Variants in NEK8 observed in about 807,000 individuals in gnomAD.
The protein encoded by NEK8 is serine/threonine-protein kinase Nek8.
In NEK8, 51 loss-of-function variants were observed where a neutral mutation model predicts 77.2. The ratio of observed to expected loss-of-function variants is 0.66; its 90% confidence interval spans 0.53 to 0.83. NEK8 has a LOEUF of 0.83. Among genes scored for constraint, NEK8 ranks in the 40% least tolerant of loss-of-function variants. NEK8 has a pLI of 0.00. For synonymous variants in NEK8, 365 were observed against 363.2 expected, an observed-to-expected ratio of 1.00 and a Z score of -0.06; for missense variants, 787 against 909.2, an observed-to-expected ratio of 0.87 and a Z score of 1.73.
At chr17:28,731,626 CAG>C (rs1288076720) in intron 1 of NEK8, among the ~76,000 whole-genome samples, 4 of 150,696 alleles carry the variant, frequency 2.7e-5, no homozygotes, top group African/African-American at 4.9e-5. Flanking sequence ...TTTTCTGAGA[CAG>C]AGTCTCGCTC....
Position 28,734,025 on chromosome 17 carries a change from GATC to G in NEK8, c.95_97del (p.Ile32del). On this transcript the variant is annotated inframe_deletion, in exon 2 of 15. Coordinates refer to ENST00000268766, the MANE Select transcript of NEK8 (RefSeq NM_178170.3). ...TGCGAAAGGCTGACCAGAAGCTGGT[GATC>G]ATCAAGCAGATTCCAGTGGAACAGA... 6.2e-7 allele frequency: 1 copy of G among 1,614,240 alleles called. No homozygotes were observed.
At position 28,740,991 on chromosome 17, in the gene NEK8, G is replaced by A; in HGVS notation, c.1732+6G>A. On this transcript the variant is annotated splice_donor_region_variant and intron_variant, in intron 12 of 14. Coordinates refer to ENST00000268766, the MANE Select transcript of NEK8 (RefSeq NM_178170.3). This position sits in a 1 kb window ranked among gnomAD's most constrained non-coding sequence, Gnocchi z 4.7. ...TCACTCAGCTGCTGTGACTGGTGAG[G>A]AGGACTTGGGCTCTGGAGGTCAGAG... 1 of 1,613,138 alleles carries A rather than the reference G, an allele frequency of 6.2e-7. No homozygotes were observed. The highest frequency in any genetic ancestry group is 1.1e-5 in the South Asian group (1 of 91,020).
At chr17:28,736,022 C>T (rs1050563354) in intron 4 of NEK8, among the ~76,000 whole-genome samples, 1 of 146,462 alleles carries the variant, frequency 6.8e-6, no homozygotes, top group Non-Finnish European at 1.5e-5. Context: ...TGAGAACATG[C>T]GGTGTTTGGT....
rs2034420490 is a variant in NEK8, at chr17:28,741,402, C to T, written c.1892-11C>T. On this transcript the variant is annotated splice_polypyrimidine_tract_variant and intron_variant, in intron 13 of 14. Transcript: ENST00000268766. This position sits in a 1 kb window ranked among gnomAD's most constrained non-coding sequence, Gnocchi z 4.5. ...ACTTCCCACTTCCCTCCTGGGGATT[C>T]TTCCTGGCAGAGAGCGAAGTGTACT... 1 of 1,613,402 alleles carries T rather than the reference C, an allele frequency of 6.2e-7. No homozygotes were observed. Among genetic ancestry groups the T allele is most frequent in the Non-Finnish European group, 8.5e-7 (1 of 1,179,780 alleles).
At position 28,734,842 on chromosome 17, in the gene NEK8, C is replaced by A; in HGVS notation, c.324C>A (p.Phe108Leu). ...SLLEEETILH[F>L]FVQILLALHH... The stretch of plus-strand genomic sequence containing the variant: ...TGGAGGAGGAGACCATCCTGCACTT[C>A]TTCGTGCAGATCCTGCTTGCACTGC... The change falls in exon 3 of 15, where the codon TTC becomes TTA. Residue 108 changes from phenylalanine to leucine, a missense_variant. Physicochemically the swap from Phe to Leu is conservative, Grantham distance 22 (BLOSUM62 0). Around this residue, in one of 2 missense-constraint regions of NEK8, gnomAD observed 271 missense variants for 365.1 expected, o/e 0.74. Transcript: ENST00000268766. 4 of 1,613,820 alleles carry A rather than the reference C, an allele frequency of 2.5e-6. No homozygotes were observed. The highest frequency in any genetic ancestry group is 3.4e-6 in the Non-Finnish European group (4 of 1,179,920).
Position 28,738,664 on chromosome 17 carries a change from TC to T in NEK8, c.1223-3del. The T allele has an allele frequency of 1.2e-6, 2 of 1,613,722 alleles. No individual in the cohort carries two copies. The highest frequency in any genetic ancestry group is 1.6e-4 in the Middle Eastern group (1 of 6,062). ...CCCTTCTCCTTCCTCACTGCCCTTC[TC>T]CCCAGACAGAGGCATCATCATGACA... On this transcript the variant is annotated splice_region_variant and splice_polypyrimidine_tract_variant and intron_variant, in intron 8 of 14. Coordinates refer to ENST00000268766, the MANE Select transcript of NEK8 (RefSeq NM_178170.3).
At position 28,741,710 on chromosome 17, in the gene NEK8, A is replaced by C; in HGVS notation, c.2050+139A>C. On this transcript the variant is annotated intron_variant, in intron 14 of 14. Coordinates refer to ENST00000268766, the MANE Select transcript of NEK8 (RefSeq NM_178170.3). This position sits in a 1 kb window ranked among gnomAD's most constrained non-coding sequence, Gnocchi z 4.5. ...AAAAAAAGCAGAAGCTGCGGTTGAA[A>C]AGCTTCAAGCTTCCTGCCTGGGGTG... is the stretch of plus-strand genomic sequence containing the variant. 1 of 1,176,772 alleles carries C rather than the reference A, an allele frequency of 8.5e-7. No individual in the cohort carries two copies. Among genetic ancestry groups the C allele is most frequent in the Middle Eastern group, 2.0e-4 (1 of 5,010 alleles). 72.9% of individuals were successfully genotyped at this position (1,176,772 alleles called of 1,614,324 possible).
rs2034385128 is a variant in NEK8, at chr17:28,738,110, G to A, written c.1087G>A (p.Ala363Thr). The A allele has an allele frequency of 3.1e-6, 5 of 1,613,734 alleles. No homozygotes were observed. The highest frequency in any genetic ancestry group is 4.2e-6 in the Non-Finnish European group (5 of 1,179,852). ...GCCCCTGCAGGCCCCACCCCTAGGT[G>A]CAGGCGGAGGCAGTCTCCTTCCTGG... ...LILWEAPPLG[A>T]GGGSLLPGAV... Residue 363 changes from alanine (A) to threonine (T), a missense_variant, in exon 8 of 15, where the codon GCA (alanine) becomes ACA (threonine). Physicochemically the swap from Ala to Thr is moderately conservative, Grantham distance 58 (BLOSUM62 0). Transcript: ENST00000268766.
intron 1 of NEK8, among the ~76,000 whole-genome samples, chr17:28,731,219 A>G (rs1866458778): frequency 6.6e-6 from 1 of 151,968 alleles, no homozygotes. Flanking sequence ...CCTAGGCAAC[A>G]AGAGTGAAAC....
At chr17:28,736,345 G>A (rs950540398) in intron 4 of NEK8, among the ~76,000 whole-genome samples, 148 of 152,194 alleles carry the variant, frequency 9.7e-4, no homozygotes, top group African/African-American at 3.2e-3. Flanking sequence ...CTGAGGAATC[G>A]CCACACTGAC....
chr17:28,733,703 A>G (rs1055793499), intron 1 of NEK8, among the ~76,000 whole-genome samples: 1 of 152,190 alleles, frequency 6.6e-6, no homozygotes, highest in Non-Finnish European at 1.5e-5. Flanking sequence ...AAACCAGATA[A>G]CTAGTAAGAG....
Position 28,739,079 on chromosome 17 carries a change from T to G in NEK8, c.1300-5T>G. 2 of 1,610,642 alleles carry G rather than the reference T, an allele frequency of 1.2e-6. No homozygotes were observed. Among genetic ancestry groups the G allele is most frequent in the South Asian group, 2.2e-5 (2 of 91,014 alleles). The stretch of plus-strand genomic sequence containing the variant: ...CAGTTTCTCCTTGCTTCCTCTCCTC[T>G]CTAGCCCACCATTGTGGAGGCTTTG... On this transcript the variant is annotated splice_region_variant and splice_polypyrimidine_tract_variant and intron_variant, in intron 9 of 14. Transcript: ENST00000268766.
At chr17:28,738,887 G>A in intron 9 of NEK8, 140 bp downstream of exon 9, 2 of 826,008 alleles carry the variant, frequency 2.4e-6, no homozygotes, top group Non-Finnish European at 4.1e-6. Context: ...CCTGCTCTGG[G>A]CCACCTACAT....
chr17:28,743,090 AAAAAAAAAAAAAG>A lies in NEK8; in HGVS notation c.*1104_*1116del, dbSNP rs2034445689. The A allele has an allele frequency of 8.0e-6, 1 of 125,262 alleles. No individual in the cohort carries two copies. The allele number at this position is 125,262 out of a possible 1,614,324, so 7.8% of individuals were successfully genotyped here. On this transcript the variant is annotated 3_prime_UTR_variant, in exon 15 of 15. Transcript: ENST00000268766. ...TCCCTCTCAAAAAAAAAAAAAAAAA[AAAAAAAAAAAAAG>A]TATTTGGTGCTTACCGGGACTCTAT...
Position 28,737,410 on chromosome 17 carries a change from G to A in NEK8, c.723G>A (p.Leu241=). 1 of 1,613,530 alleles carries A rather than the reference G, an allele frequency of 6.2e-7. No individual in the cohort carries two copies. Among genetic ancestry groups the A allele is most frequent in the Non-Finnish European group, 8.5e-7 (1 of 1,180,018 alleles). ...LRQLVLSLLS[L]EPAQRPPLSH... is the part of the protein sequence containing the mutation. The stretch of plus-strand genomic sequence containing the variant: ...AGCTGGTCCTGAGTCTACTCAGCCT[G>A]GAGCCTGCCCAGCGGCCACCACTCA... The change falls in exon 5 of 15, where the codon CTG becomes CTA. Residue 241 remains leucine, a synonymous_variant. Transcript: ENST00000268766. This position sits in a 1 kb window ranked among gnomAD's most constrained non-coding sequence, Gnocchi z 4.8.
chr17:28,735,780 AT>A (rs533689814), intron 4 of NEK8, among the ~76,000 whole-genome samples: 2 of 122,752 alleles, frequency 1.6e-5, no homozygotes, highest in Non-Finnish European at 3.5e-5. Flanking sequence ...TTATTTATTT[AT>A]TTTTTTTATT....
chr17:28,732,183 G>T (rs1283501637), intron 1 of NEK8, among the ~76,000 whole-genome samples: 1 of 151,728 alleles, frequency 6.6e-6, no homozygotes, highest in African/African-American at 2.4e-5. Flanking sequence ...GCTGGGCATG[G>T]TGGCTCATGC....
In NEK8 at chr17:28,741,150, G is replaced by A. The variant is rs761352881; in HGVS notation, c.1805G>A (p.Arg602Gln). Residue 602 changes from arginine to glutamine, a missense_variant, in exon 13 of 15, where the codon CGG becomes CAG. Around this residue, in one of 2 missense-constraint regions of NEK8, gnomAD observed 516 missense variants for 544.0 expected, o/e 0.95. Coordinates refer to ENST00000268766, the MANE Select transcript of NEK8 (RefSeq NM_178170.3). The surrounding 1 kb of genome is among the most constrained non-coding windows in gnomAD (Gnocchi z 4.5). ...GGCACCAATACTCGCCGAGGCAGTC[G>A]GGCACCCTGTAAGGTCCAAGGCCTT... Reference protein sequence around the residue: ...QLGTNTRRGSRAPCKVQGLEG... With the variant: ...QLGTNTRRGSQAPCKVQGLEG... The A allele has an allele frequency of 1.5e-5, 24 of 1,614,090 alleles. No individual in the cohort carries two copies. The highest frequency in any genetic ancestry group is 7.7e-5 in the South Asian group (7 of 91,084).
In NEK8 at chr17:28,737,965, G is replaced by A. The variant is rs1179113718; in HGVS notation, c.1036G>A (p.Gly346Ser). The A allele has an allele frequency of 8.1e-6, 13 of 1,612,056 alleles. No individual in the cohort carries two copies. Among genetic ancestry groups the A allele is most frequent in the African/African-American group, 4.0e-5 (3 of 74,898 alleles). ...GGCAGCTGGGCGCACGCAGAAAGCC[G>A]GCGTCACGCGCTCTGGGCGTCTCAT... ...QVAAGRTQKA[G>S]VTRSGRLILW... The change falls in exon 7 of 15, where the codon GGC becomes AGC. Residue 346 changes from glycine to serine, a missense_variant. Physicochemically the swap from Gly to Ser is moderately conservative, Grantham distance 56. This residue lies in a region of NEK8 where 516 missense variants were observed against 544.0 expected (regional missense o/e 0.95). Coordinates refer to ENST00000268766, the MANE Select transcript of NEK8 (RefSeq NM_178170.3). The surrounding 1 kb of genome is among the most constrained non-coding windows in gnomAD (Gnocchi z 4.8).
Sources: gnomAD v4.1 joint callset for allele counts (sites outside exome capture counted in the v4.1 genomes callset) on GRCh38, gnomAD v4.1.1 for gene constraint, gnomAD v4.1.1 regional missense constraint, Gnocchi (gnomAD v3.1) non-coding constraint, MANE v1.5 for transcripts, NCBI Gene and HGNC (gene_info 2026-07-23, HGNC 2026-07-21) for gene names.